The following TMEM74 variants were observed in gnomAD, a reference collection of about 807,000 sequenced individuals.
TMEM74 encodes the protein transmembrane protein 74.
A neutral mutation model predicts 18.1 loss-of-function variants in TMEM74; 13 were observed. The ratio of observed to expected loss-of-function variants is 0.72; its 90% CI spans 0.47 to 1.14. The LOEUF (loss-of-function observed/expected upper bound fraction) is 1.14. TMEM74 is among the 50% of genes most tolerant of loss of function. The probability of loss-of-function intolerance (pLI) is 0.00; values close to 1 mark genes in which losing one functional copy is unlikely to be tolerated. For synonymous variants in TMEM74, 159 were observed against 146.6 expected (o/e 1.08, Z -0.61); for missense variants, 372 against 375.9 (o/e 0.99, Z 0.09).
intron 2 of TMEM74, among the ~76,000 whole-genome samples, chr8:108,628,011 T>G (rs1812513068): frequency 6.6e-6 from 1 of 151,962 alleles, no homozygotes. Flanking sequence ...TTAACTGAAG[T>G]GGTGCCACTG....
At chr8:108,678,733 A>G (rs1175789863) in intron 1 of TMEM74, among the ~76,000 whole-genome samples, 1 of 149,356 alleles carries the variant, frequency 6.7e-6, no homozygotes, top group Non-Finnish European at 1.5e-5. Context: ...TTTAAAATTT[A>G]TATATTTATT....
intron 2 of TMEM74, among the ~76,000 whole-genome samples, chr8:108,621,077 C>G (rs62512403): frequency 0.055 from 8,396 of 152,148 alleles, 270 homozygotes; most frequent in East Asian, 0.12. Flanking sequence ...AGATGCCCAG[C>G]TGAATTTGTT....
intron 1 of TMEM74, among the ~76,000 whole-genome samples, chr8:108,750,588 C>A (rs1291529989): frequency 6.6e-6 from 1 of 152,046 alleles, no homozygotes; most frequent in African/African-American, 2.4e-5. Flanking sequence ...TACACTAAAG[C>A]GTTAATTGAA....
In TMEM74 at chr8:108,781,910, C is replaced by T. The variant is rs1007214149; in HGVS notation, c.*2271G>A. The stretch of plus-strand genomic sequence containing the variant: ...CTTTATTATCAAGTGAAAAGACCTC[C>T]TAACACTTGATTCCCAAACTCCTCT... On this transcript the variant is annotated 3_prime_UTR_variant, in exon 2 of 2. Coordinates refer to ENST00000297459, the MANE Select transcript of TMEM74 (RefSeq NM_153015.3). Among the ~76,000 whole-genome samples the T allele has an allele frequency of 1.3e-5, 2 of 152,164 alleles. No individual in the cohort carries two copies. The highest frequency in any genetic ancestry group is 2.4e-5 in the African/African-American group (1 of 41,450).
At chr8:108,669,930 G>A (rs1180590905) in intron 1 of TMEM74, among the ~76,000 whole-genome samples, 3 of 151,744 alleles carry the variant, frequency 2.0e-5, no homozygotes, top group South Asian at 2.1e-4. Context: ...CCCAGGTATG[G>A]GGGAGGCTGA....
intron 1 of TMEM74, among the ~76,000 whole-genome samples, chr8:108,722,493 C>T (rs1813595351): frequency 6.6e-6 from 1 of 152,162 alleles, no homozygotes; most frequent in Non-Finnish European, 1.5e-5. Flanking sequence ...AGAGCGTAGG[C>T]TTAGGAATCA....
chr8:108,777,502 T>C (rs1814246816), downstream of TMEM74, among the ~76,000 whole-genome samples: 1 of 152,228 alleles, frequency 6.6e-6, no homozygotes, highest in South Asian at 2.1e-4. Context: ...AATCACTATA[T>C]TACCTAAAAG....
chr8:108,639,725 A>T (rs949128736), intron 2 of TMEM74, among the ~76,000 whole-genome samples: 1 of 152,140 alleles, frequency 6.6e-6, no homozygotes, highest in African/African-American at 2.4e-5. Flanking sequence ...AATGACAATT[A>T]AAAATGCACC....
intron 1 of TMEM74, among the ~76,000 whole-genome samples, chr8:108,739,861 G>A (rs557348055): frequency 1.9e-4 from 29 of 152,126 alleles, no homozygotes; most frequent in African/African-American, 6.5e-4. Flanking sequence ...AACGAAGTCC[G>A]GCGGAGTCAA....
chr8:108,609,430 T>A (rs1330645203), intron 2 of TMEM74, among the ~76,000 whole-genome samples: 1 of 152,136 alleles, frequency 6.6e-6, no homozygotes, highest in Admixed American at 6.5e-5. Context: ...GGTGGATCAC[T>A]TGAGGTCAGG....
intron 1 of TMEM74, among the ~76,000 whole-genome samples, chr8:108,713,607 T>C (rs1466121192): frequency 6.6e-6 from 1 of 152,222 alleles, no homozygotes; most frequent in Non-Finnish European, 1.5e-5. Context: ...AAAACTGTGA[T>C]AGCAGCTATG....
At chr8:108,634,362 A>G (rs1812585171) in intron 2 of TMEM74, among the ~76,000 whole-genome samples, 1 of 151,938 alleles carries the variant, frequency 6.6e-6, no homozygotes, top group Admixed American at 6.6e-5. Context: ...CTTTAACATT[A>G]TTTAGCTTAT....
intron 1 of TMEM74, among the ~76,000 whole-genome samples, chr8:108,664,231 A>G (rs1563743894): frequency 1.3e-5 from 2 of 152,164 alleles, no homozygotes; most frequent in South Asian, 2.1e-4. Context: ...GGCCATTTCA[A>G]CAATATTGAT....
At chr8:108,678,152 T>G (rs1423308223) in intron 1 of TMEM74, among the ~76,000 whole-genome samples, 1 of 152,154 alleles carries the variant, frequency 6.6e-6, no homozygotes, top group African/African-American at 2.4e-5. Flanking sequence ...TTACTTATAT[T>G]TTCAACAGAT....
intron 1 of TMEM74, among the ~76,000 whole-genome samples, chr8:108,706,630 A>G (rs1304975037): frequency 6.6e-6 from 1 of 152,186 alleles, no homozygotes; most frequent in Non-Finnish European, 1.5e-5. Context: ...TTATCCTTCT[A>G]TTTAAAGCTG....
intron 1 of TMEM74, among the ~76,000 whole-genome samples, chr8:108,758,271 A>G (rs1814000924): frequency 6.6e-6 from 1 of 152,058 alleles, no homozygotes; most frequent in Non-Finnish European, 1.5e-5. Context: ...CTAGTAAGCA[A>G]GCATATGAAC....
intron 1 of TMEM74, among the ~76,000 whole-genome samples, chr8:108,682,461 T>C (rs1024409935): frequency 3.9e-5 from 6 of 152,132 alleles, no homozygotes; most frequent in African/African-American, 1.4e-4. Flanking sequence ...AATTTATATT[T>C]ATCTGTTTAT....
rs150875777 is a variant in TMEM74 at position 108,622,108 on chromosome 8, G to A, written n.265-13282C>T. On this transcript the variant is annotated intron_variant and non_coding_transcript_variant, in intron 2 of 3. Coordinates refer to the TMEM74 transcript ENST00000518838. ...AAATTTTGAATTCAAATTTTAAGAG[G>A]TGAAAGTTTATAAAAGGGCAAAACG... Among the ~76,000 whole-genome samples the A allele has an allele frequency of 4.3e-4, 66 of 152,144 alleles. 2 individuals are homozygous for A. The East Asian group carries it at 0.013, about 29-fold the overall frequency.
intron 1 of TMEM74, among the ~76,000 whole-genome samples, chr8:108,760,935 T>C (rs1346230563): frequency 6.6e-6 from 1 of 151,936 alleles, no homozygotes; most frequent in Non-Finnish European, 1.5e-5. Context: ...AATTGCAGTG[T>C]TCTCCTCTTG....
Sources: gnomAD v4.1 joint callset for allele counts (sites outside exome capture counted in the v4.1 genomes callset) on GRCh38, gnomAD v4.1.1 for gene constraint, MANE v1.5 for transcripts, NCBI Gene and HGNC (gene_info 2026-07-23, HGNC 2026-07-21) for gene names.